The following DIPK2B variants were observed in gnomAD, a reference collection of about 807,000 sequenced individuals.
DIPK2B encodes divergent protein kinase domain 2B.
A neutral mutation model predicts 22.2 loss-of-function variants in DIPK2B; 15 were observed. The observed-to-expected ratio is 0.68, with a 90% CI of 0.45 to 1.04. DIPK2B has a LOEUF of 1.04. DIPK2B is among the 50% of genes least tolerant of loss of function. The pLI is 0.00. For synonymous variants in DIPK2B, 163 were observed against 153.2 expected (o/e 1.06, Z -0.47); for missense variants, 345 against 348.3 (o/e 0.99, Z 0.08).
intron 2 of DIPK2B, among the ~76,000 whole-genome samples, chrX:45,166,973 T>G (rs2047052187): frequency 8.9e-6 from 1 of 112,304 alleles, no homozygotes; most frequent in African/African-American, 3.2e-5. Flanking sequence ...TCCTTTCTGG[T>G]TACACACCTG....
chrX:45,177,712 T>TAA (rs2047126393), intron 2 of DIPK2B, among the ~76,000 whole-genome samples: 3 of 111,143 alleles, frequency 2.7e-5, no homozygotes, highest in African/African-American at 9.8e-5. Flanking sequence ...ATACAGGGGT[T>TAA]TTCTGCTTGT....
chrX:45,191,663 TCAAACTGAGA>T, intron 2 of DIPK2B, 78 bp downstream of exon 2: 1 of 1,065,265 alleles, frequency 9.4e-7, no homozygotes. Context: ...CTCCTTTTTC[TCAAACTGAGA>T]TATGAGATGG....
Position 45,200,776 on chromosome X carries a change from C to A in DIPK2B, c.51G>T (p.Leu17=). 1 of 1,208,001 alleles carries A rather than the reference C, an allele frequency of 8.3e-7. No homozygotes were observed. Among genetic ancestry groups the A allele is most frequent in the East Asian group, 3.0e-5 (1 of 33,684 alleles). ...GGGCTGAGACCCACAGCAGCAGGGC[C>A]AGCCAGCCAGGGCGGAGGGCGGCAG... ...PEAAALRPGW[L]ALLLWVSALS... Residue 17 remains leucine (L), a synonymous_variant, in exon 1 of 5, where the codon CTG becomes CTT. Transcript: ENST00000398000.
chrX:45,191,004 G>C (rs763460852), intron 2 of DIPK2B, among the ~76,000 whole-genome samples: 27 of 112,822 alleles, frequency 2.4e-4, no homozygotes, highest in Non-Finnish European at 7.5e-5. Flanking sequence ...GGCCGGGCGT[G>C]GTGGCTCACG....
chrX:45,194,728 A>G (rs1358825974), intron 1 of DIPK2B, among the ~76,000 whole-genome samples: 1 of 112,129 alleles, frequency 8.9e-6, no homozygotes, highest in Non-Finnish European at 1.9e-5. Context: ...AAAATTGAAA[A>G]GAGAATTGAA....
At chrX:45,170,363 C>T (rs1402941404) in intron 2 of DIPK2B, among the ~76,000 whole-genome samples, 1 of 111,972 alleles carries the variant, frequency 8.9e-6, no homozygotes, top group Admixed American at 9.4e-5. Flanking sequence ...ACTCACCCAC[C>T]GACTCCTGTC....
chrX:45,187,241 G>C (rs1263960039), intron 2 of DIPK2B, among the ~76,000 whole-genome samples: 3 of 112,129 alleles, frequency 2.7e-5, no homozygotes, highest in Non-Finnish European at 3.8e-5. Flanking sequence ...CAGCTGCCTA[G>C]GGTGGTTGCC....
At chrX:45,186,433 T>C (rs920224794) in intron 2 of DIPK2B, among the ~76,000 whole-genome samples, 1 of 111,823 alleles carries the variant, frequency 8.9e-6, no homozygotes, top group Non-Finnish European at 1.9e-5. Flanking sequence ...CCAGGGAATA[T>C]TGCCTTGTGT....
At chrX:45,183,438 A>G (rs2047165561) in intron 2 of DIPK2B, 1 of 112,158 alleles carries the variant, frequency 8.9e-6, no homozygotes, top group African/African-American at 3.2e-5. Flanking sequence ...AGGCATGAAA[A>G]TCCATTTCTG....
rs1281097071 is a variant in DIPK2B at position 45,200,662 on chromosome X, G to A, written c.165C>T (p.Leu55=). 2.6e-5 allele frequency: 31 copies of A among 1,212,393 alleles called. No individual in the cohort carries two copies. The highest frequency in any genetic ancestry group is 3.2e-5 in the Non-Finnish European group (29 of 895,604). The change falls in exon 1 of 5, where the codon CTC becomes CTT. Residue 55 remains leucine, a synonymous_variant. Transcript: ENST00000398000. ...RTSYNFGRTF[L]GLDKCNACIG... ...TGCAGGCATTGCATTTATCAAGACC[G>A]AGGAAAGTCCTTCCAAAATTGTAGC...
chrX:45,154,993 A>T (rs1400449578), intron 3 of DIPK2B, among the ~76,000 whole-genome samples: 2 of 112,258 alleles, frequency 1.8e-5, no homozygotes, highest in African/African-American at 3.2e-5. Context: ...AAAATATTTT[A>T]AAAAATAACA....
rs139672027 is a variant in DIPK2B at position 45,153,803 on chromosome X, G to A, written c.961+107C>T. On this transcript the variant is annotated intron_variant, in intron 4 of 4. Coordinates refer to ENST00000398000, the MANE Select transcript of DIPK2B (RefSeq NM_176819.4). ...ACTTGAGTGGCTCTCACTATGACAT[G>A]CAGAGATGGGAAAGGCCCAATAGCA... 411 of 625,305 alleles carry A rather than the reference G, an allele frequency of 6.6e-4. No homozygotes were observed. In the African/African-American group the frequency reaches 8.1e-3, roughly 12 times the overall value. The allele number at this position is 625,305 out of a possible 1,213,427, so 51.5% of individuals were successfully genotyped here. A position where few individuals can be genotyped will look rare whatever the true frequency, so the allele number is the denominator to read the frequency against.
intron 4 of DIPK2B, 68 bp downstream of exon 4, chrX:45,153,842 C>A: frequency 1.9e-6 from 2 of 1,032,474 alleles, no homozygotes; most frequent in Non-Finnish European, 2.6e-6. Context: ...CCCCTGGCCA[C>A]CCCTCCCTAG....
At chrX:45,180,255 T>A (rs1045010270) in intron 2 of DIPK2B, among the ~76,000 whole-genome samples, 1 of 111,846 alleles carries the variant, frequency 8.9e-6, no homozygotes, top group African/African-American at 3.3e-5. Context: ...TAATTATAAT[T>A]CATAGATCTC....
In DIPK2B at chrX:45,151,047, T is replaced by C. The variant is rs1057065639; in HGVS notation, c.*605A>G. The C allele has an allele frequency of 9.0e-6, 1 of 110,780 alleles. No homozygotes were observed. The highest frequency in any genetic ancestry group is 3.3e-5 in the African/African-American group (1 of 30,281). 9.1% of individuals were successfully genotyped at this position (110,780 alleles called of 1,213,427 possible). Reference sequence around the variant, plus strand: ...GTGTATGGAGCCTCAGGTACCAGGCTCTAGGTGGTGGCAGGCATGTCCCCT... The same window carrying C: ...GTGTATGGAGCCTCAGGTACCAGGCCCTAGGTGGTGGCAGGCATGTCCCCT... On this transcript the variant is annotated 3_prime_UTR_variant, in exon 5 of 5. Transcript: ENST00000398000.
At chrX:45,163,347 T>A in intron 2 of DIPK2B, 1 of 676,895 alleles carries the variant, frequency 1.5e-6, no homozygotes, top group South Asian at 7.6e-5. Context: ...TATCTCCTAC[T>A]GGTTCTGTTT....
chrX:45,178,226 C>T (rs763948057), intron 2 of DIPK2B, among the ~76,000 whole-genome samples: 20 of 112,069 alleles, frequency 1.8e-4, no homozygotes, highest in African/African-American at 6.2e-4. Context: ...CATTCTTCAG[C>T]CTTGAAATAG....
intron 2 of DIPK2B, among the ~76,000 whole-genome samples, chrX:45,175,789 TA>T (rs908821330): frequency 6.7e-5 from 7 of 104,686 alleles, no homozygotes; most frequent in African/African-American, 2.1e-4. Flanking sequence ...CAAATAAAAG[TA>T]AAAAAAATTG....
chrX:45,161,344 C>T (rs1170632755), intron 2 of DIPK2B, among the ~76,000 whole-genome samples: 1 of 112,240 alleles, frequency 8.9e-6, no homozygotes, highest in African/African-American at 3.2e-5. Flanking sequence ...GAGTTCGAGA[C>T]CAGCCTGGGT....
Sources: gnomAD v4.1 joint callset for allele counts (sites outside exome capture counted in the v4.1 genomes callset) on GRCh38, gnomAD v4.1.1 for gene constraint, MANE v1.5 for transcripts, NCBI Gene and HGNC (gene_info 2026-07-23, HGNC 2026-07-21) for gene names.